CDH12: variants seen among roughly 807,000 people sequenced by gnomAD.
CDH12 encodes the protein cadherin 12.
A neutral mutation model predicts 74.1 loss-of-function variants in CDH12; 41 were observed. The observed-to-expected ratio is 0.55, with a 90% confidence interval of 0.43 to 0.72. The LOEUF is 0.72. Among genes scored for constraint, CDH12 ranks in the 30% least tolerant of loss-of-function variants. The pLI is 0.00. For missense variants in CDH12, 945 were observed against 977.2 expected (o/e 0.97, Z 0.44); for synonymous variants, 399 against 355.0 (o/e 1.12, Z -1.39).
At chr5:22,565,803 C>T (rs2126757553) in intron 1 of CDH12, among the ~76,000 whole-genome samples, 1 of 152,232 alleles carries the variant, frequency 6.6e-6, no homozygotes, top group South Asian at 2.1e-4. Context: ...CTACATTTTT[C>T]TACACTGAAA....
chr5:22,485,650 C>T (rs1746561537), intron 2 of CDH12, among the ~76,000 whole-genome samples: 1 of 151,942 alleles, frequency 6.6e-6, no homozygotes, highest in Non-Finnish European at 1.5e-5. Context: ...TCTCTTTAGC[C>T]TTAAAGTTTA....
intron 4 of CDH12, among the ~76,000 whole-genome samples, chr5:22,102,691 A>C (rs113185048): frequency 4.9e-4 from 73 of 149,076 alleles, no homozygotes; most frequent in African/African-American, 8.6e-4. Flanking sequence ...TAAATAAATA[A>C]ATACATAAAT....
chr5:22,051,676 A>C (rs528431740), intron 5 of CDH12, among the ~76,000 whole-genome samples: 1 of 152,246 alleles, frequency 6.6e-6, no homozygotes, highest in South Asian at 2.1e-4. Flanking sequence ...TTTATCCACC[A>C]AAAATTATTC....
chr5:22,373,982 T>TAATTCAA (rs1741408926), intron 3 of CDH12, among the ~76,000 whole-genome samples: 1 of 152,016 alleles, frequency 6.6e-6, no homozygotes, highest in Non-Finnish European at 1.5e-5. Flanking sequence ...TAATTCAAAA[T>TAATTCAA]AGTAAGCCAA....
rs185525471 is a variant in CDH12 at position 22,618,459 on chromosome 5, G to C, written c.-522-113095C>G. On this transcript the variant is annotated intron_variant, in intron 1 of 14. Transcript: ENST00000382254. Reference sequence around the variant, plus strand: ...CACTTGGGAGCTCAAAGAAGCTTCTGTCAATACCCAGGGTATACTTTAGAA... The same window carrying C: ...CACTTGGGAGCTCAAAGAAGCTTCTCTCAATACCCAGGGTATACTTTAGAA... Among the ~76,000 whole-genome samples the C allele has an allele frequency of 2.0e-5, 3 of 152,194 alleles. No individual in the cohort carries two copies. The East Asian group carries it at 5.8e-4, about 30-fold the overall frequency.
chr5:22,502,013 A>T (rs1349903847), intron 2 of CDH12, among the ~76,000 whole-genome samples: 1 of 152,152 alleles, frequency 6.6e-6, no homozygotes, highest in Non-Finnish European at 1.5e-5. Context: ...CCTCTGTGTC[A>T]GTGAAAAGCT....
At chr5:21,969,045 G>A (rs572743670) in intron 6 of CDH12, among the ~76,000 whole-genome samples, 12 of 151,870 alleles carry the variant, frequency 7.9e-5, no homozygotes, top group Admixed American at 6.6e-4. Flanking sequence ...TAATACTTAT[G>A]TGATGGGTTG....
chr5:22,281,472 A>T (rs1304387358), intron 3 of CDH12, among the ~76,000 whole-genome samples: 1 of 152,114 alleles, frequency 6.6e-6, no homozygotes, highest in Non-Finnish European at 1.5e-5. Context: ...ATGCTTAGAA[A>T]ACCCCATTGT....
intron 3 of CDH12, among the ~76,000 whole-genome samples, chr5:22,365,793 G>A (rs2126321255): frequency 6.6e-6 from 1 of 152,140 alleles, no homozygotes; most frequent in East Asian, 1.9e-4. Context: ...TTAATTTGTT[G>A]CAGCTAAATG....
In CDH12 at chr5:22,504,765, C is replaced by T. The variant is rs189934507; in HGVS notation, c.-428+505G>A. On this transcript the variant is annotated intron_variant, in intron 2 of 14. Transcript: ENST00000382254. ...ACAATTGAACCAGTTTGTGCCATAT[C>T]AATATTCGTAAAGAAGAGAAAATTT... 5.2e-3 allele frequency among the ~76,000 whole-genome samples: 788 copies of T among 152,078 alleles called. 12 individuals are homozygous for T. Among genetic ancestry groups the T allele is most frequent in the Non-Finnish European group, 4.6e-3 (314 of 67,932 alleles).
chr5:22,184,246 G>A (rs1242659557), intron 4 of CDH12, among the ~76,000 whole-genome samples: 1 of 152,088 alleles, frequency 6.6e-6, no homozygotes, highest in Non-Finnish European at 1.5e-5. Flanking sequence ...AGATAATAAA[G>A]TTATTCTTGA....
chr5:22,176,109 C>T (rs1421436538), intron 4 of CDH12, among the ~76,000 whole-genome samples: 1 of 152,072 alleles, frequency 6.6e-6, no homozygotes, highest in Non-Finnish European at 1.5e-5. Flanking sequence ...TCAGTGTATA[C>T]ATTATCTTCA....
rs147142001 is a variant in CDH12 at position 21,759,257 on chromosome 5, C to CT, written c.1633+1300dup. Among the ~76,000 whole-genome samples the CT allele has an allele frequency of 1.2e-4, 18 of 149,076 alleles. No homozygotes were observed. The East Asian group carries it at 1.4e-3, about 11-fold the overall frequency. On this transcript the variant is annotated intron_variant, in intron 13 of 14. Transcript: ENST00000382254. Reference sequence around the variant, plus strand: ...TTTTTTATCTGTAATTGTTAAGTGGCTTTTTTTTTAATGATTAGAGTTTCA... The same window carrying CT: ...TTTTTTATCTGTAATTGTTAAGTGGCTTTTTTTTTTAATGATTAGAGTTTCA...
intron 1 of CDH12, among the ~76,000 whole-genome samples, chr5:22,770,082 A>G (rs551931186): frequency 2.3e-4 from 35 of 151,708 alleles, no homozygotes; most frequent in Non-Finnish European, 4.3e-4. Context: ...TTCACAAAGT[A>G]ACTCACCGAG....
chr5:22,801,636 CATATATATAT>C (rs568139109), intron 1 of CDH12, among the ~76,000 whole-genome samples: 6,673 of 50,640 alleles, frequency 0.13, 404 homozygotes, highest in Non-Finnish European at 0.17. Context: ...CTCTGCTTAT[CATATATATAT>C]ATATATATAT....
chr5:22,769,002 T>C (rs189349389), intron 1 of CDH12, among the ~76,000 whole-genome samples: 7 of 152,260 alleles, frequency 4.6e-5, no homozygotes, highest in African/African-American at 1.4e-4. Flanking sequence ...GACATTAGCC[T>C]TCAGTATGAT....
chr5:21,882,281 A>G (rs528925042), intron 6 of CDH12, among the ~76,000 whole-genome samples: 3 of 152,352 alleles, frequency 2.0e-5, no homozygotes, highest in African/African-American at 7.2e-5. Context: ...TAATTTGCTT[A>G]TTGCCACATG....
chr5:22,002,982 T>C (rs1374094228), intron 5 of CDH12, among the ~76,000 whole-genome samples: 5 of 152,064 alleles, frequency 3.3e-5, no homozygotes, highest in Non-Finnish European at 7.4e-5. Context: ...AAAAATGATA[T>C]AGCTAAAGAA....
intron 5 of CDH12, among the ~76,000 whole-genome samples, chr5:22,042,146 C>T (rs1580158211): frequency 6.6e-6 from 1 of 151,426 alleles, no homozygotes; most frequent in African/African-American, 2.4e-5. Flanking sequence ...TTACAGGAAA[C>T]ATCAAAAGCA....
Sources: gnomAD v4.1 joint callset for allele counts (sites outside exome capture counted in the v4.1 genomes callset) on GRCh38, gnomAD v4.1.1 for gene constraint, MANE v1.5 for transcripts, NCBI Gene and HGNC (gene_info 2026-07-23, HGNC 2026-07-21) for gene names.